DRC11: variants seen among roughly 807,000 people sequenced by gnomAD.
The protein encoded by DRC11 is dynein regulatory complex subunit 11.
At chr2:236,487,851 G>A in the DRC11 span, 160 of 498,812 alleles carry the variant, frequency 3.2e-4, no homozygotes, top group Non-Finnish European at 4.6e-4. Flanking sequence ...TTTCCCCAGG[G>A]TAAGTTAATA....
the DRC11 span, among the ~76,000 whole-genome samples, chr2:236,365,398 T>C: frequency 2.7e-5 from 4 of 150,562 alleles, no homozygotes; most frequent in Admixed American, 1.3e-4. The surrounding 1 kb of genome is among the most constrained non-coding windows in gnomAD (Gnocchi z 7.4). Context: ...TAGCATGCGG[T>C]GAGGGGGGTG....
chr2:236,471,175 G>A, the DRC11 span, among the ~76,000 whole-genome samples: 1 of 152,070 alleles, frequency 6.6e-6, no homozygotes, highest in Admixed American at 6.5e-5. The surrounding 1 kb of genome is among the most constrained non-coding windows in gnomAD (Gnocchi z 4.6). Flanking sequence ...CTTGTCCAGG[G>A]TCACACAGCC....
the DRC11 span, among the ~76,000 whole-genome samples, chr2:236,466,295 C>T: frequency 3.3e-5 from 5 of 152,232 alleles, no homozygotes; most frequent in Admixed American, 1.3e-4. Flanking sequence ...ATAGGACCTA[C>T]GCATGTGTTC....
the DRC11 span, among the ~76,000 whole-genome samples, chr2:236,485,563 A>C: frequency 2.0e-5 from 3 of 152,164 alleles, no homozygotes; most frequent in Non-Finnish European, 4.4e-5. Context: ...ATGAAAACTG[A>C]GCAGGTCAAC....
At chr2:236,389,921 G>C in the DRC11 span, among the ~76,000 whole-genome samples, 3 of 152,076 alleles carry the variant, frequency 2.0e-5, no homozygotes. Context: ...ATATATCCTG[G>C]AGAATGTTCC....
the DRC11 span, among the ~76,000 whole-genome samples, chr2:236,459,005 G>A: frequency 2.6e-5 from 4 of 152,054 alleles, no homozygotes; most frequent in South Asian, 2.1e-4. Context: ...AGATCGCACC[G>A]TCGCACTCCA....
chr2:236,363,659 A>C, the DRC11 span: 1 of 781,268 alleles, frequency 1.3e-6, no homozygotes, highest in Non-Finnish European at 2.1e-6. The surrounding 1 kb of genome is among the most constrained non-coding windows in gnomAD (Gnocchi z 5.6). Flanking sequence ...AATTTGCAGG[A>C]GTAGACAATG....
At chr2:236,410,014 C>T in the DRC11 span, among the ~76,000 whole-genome samples, 1 of 152,044 alleles carries the variant, frequency 6.6e-6, no homozygotes, top group Non-Finnish European at 1.5e-5. Flanking sequence ...GGTTTGCCAG[C>T]ATTTTATTGA....
chr2:236,407,541 C>A, the DRC11 span, among the ~76,000 whole-genome samples: 2 of 152,120 alleles, frequency 1.3e-5, no homozygotes, highest in South Asian at 4.1e-4. Flanking sequence ...ATGAATGAAT[C>A]TTTCTCTATA....
the DRC11 span, among the ~76,000 whole-genome samples, chr2:236,413,854 T>C: frequency 2.6e-5 from 4 of 152,216 alleles, no homozygotes; most frequent in Non-Finnish European, 5.9e-5. This position sits in a 1 kb window ranked among gnomAD's most constrained non-coding sequence, Gnocchi z 4.0. Flanking sequence ...TAAGGATGAT[T>C]GCATAGTGCT....
the DRC11 span, among the ~76,000 whole-genome samples, chr2:236,378,048 C>T: frequency 6.6e-6 from 1 of 152,152 alleles, no homozygotes; most frequent in African/African-American, 2.4e-5. Flanking sequence ...TTCTGACTGT[C>T]CTGTGATCCA....
At chr2:236,396,588 A>G in the DRC11 span, among the ~76,000 whole-genome samples, 2 of 152,142 alleles carry the variant, frequency 1.3e-5, no homozygotes, top group Admixed American at 6.5e-5. Context: ...AGGTTGCAAG[A>G]GTTGGCTTCC....
the DRC11 span, chr2:236,488,211 T>C: frequency 2.0e-6 from 3 of 1,528,332 alleles, no homozygotes; most frequent in East Asian, 2.3e-5. Context: ...ACAGTCAAGA[T>C]AAACCAATGT....
the DRC11 span, among the ~76,000 whole-genome samples, chr2:236,339,688 T>C: frequency 6.6e-6 from 1 of 152,232 alleles, no homozygotes; most frequent in Non-Finnish European, 1.5e-5. Context: ...TGAATTGTCT[T>C]TGCACCTTTG....
chr2:236,314,672 CA>C, the DRC11 span, among the ~76,000 whole-genome samples: 2 of 152,020 alleles, frequency 1.3e-5, no homozygotes, highest in Non-Finnish European at 2.9e-5. The surrounding 1 kb of genome is among the most constrained non-coding windows in gnomAD (Gnocchi z 4.5). Flanking sequence ...CAGCAACAAA[CA>C]GGTATAAAGT....
chr2:236,351,896 C>T, the DRC11 span, among the ~76,000 whole-genome samples: 1 of 151,892 alleles, frequency 6.6e-6, no homozygotes, highest in Non-Finnish European at 1.5e-5. The surrounding 1 kb of genome is among the most constrained non-coding windows in gnomAD (Gnocchi z 7.3). Context: ...CTGCCATGAG[C>T]CCCTGGGCAG....
the DRC11 span, among the ~76,000 whole-genome samples, chr2:236,373,038 C>T: frequency 2.0e-5 from 3 of 151,940 alleles, no homozygotes; most frequent in African/African-American, 7.3e-5. Context: ...CTTTTAATAT[C>T]CTTAATTTCT....
chr2:236,311,709 T>C, the DRC11 span, among the ~76,000 whole-genome samples: 1 of 151,072 alleles, frequency 6.6e-6, no homozygotes, highest in Non-Finnish European at 1.5e-5. The surrounding 1 kb of genome is among the most constrained non-coding windows in gnomAD (Gnocchi z 6.9). Flanking sequence ...TGTGTGTGTG[T>C]GTGTGTGTGT....
At chr2:236,355,992 C>T in the DRC11 span, among the ~76,000 whole-genome samples, 14 of 152,224 alleles carry the variant, frequency 9.2e-5, no homozygotes, top group South Asian at 4.2e-4. Flanking sequence ...ACAGAGGAGC[C>T]GGGTGGATGG....
Sources: allele counts gnomAD v4.1 joint callset (sites outside exome capture counted in the v4.1 genomes callset), GRCh38; gene constraint gnomAD v4.1.1; non-coding constraint Gnocchi (gnomAD v3.1); transcripts MANE v1.5; gene names NCBI Gene and HGNC (gene_info 2026-07-23, HGNC 2026-07-21).